Variants in GPC5 observed in about 807,000 individuals in gnomAD.
GPC5 encodes glypican-5.
Under a neutral mutation model 53.9 loss-of-function variants are expected in GPC5, and 47 were observed. That is an observed-to-expected ratio of 0.87 (90% CI 0.69 to 1.11). The LOEUF (loss-of-function observed/expected upper bound fraction) is 1.11, where lower values mean the gene tolerates loss of function less well. Among genes scored for constraint, GPC5 ranks in the 50% most tolerant of loss-of-function variants. The probability of loss-of-function intolerance (pLI) is 0.00; values close to 1 mark genes in which losing one functional copy is unlikely to be tolerated. For synonymous variants in GPC5, 286 were observed against 263.3 expected (o/e 1.09, Z -0.84); for missense variants, 748 against 713.1 (o/e 1.05, Z -0.56).
intron 7 of GPC5, among the ~76,000 whole-genome samples, chr13:92,442,343 T>C (rs1354970019): frequency 6.6e-6 from 1 of 152,104 alleles, no homozygotes; most frequent in Non-Finnish European, 1.5e-5. Flanking sequence ...AATGGGAAAC[T>C]TGAGTGGATA....
chr13:92,074,249 G>C (rs1260408861), intron 6 of GPC5, among the ~76,000 whole-genome samples: 1 of 152,134 alleles, frequency 6.6e-6, no homozygotes, highest in Non-Finnish European at 1.5e-5. Context: ...GAAAAGTCAG[G>C]GGTGTTAGAG....
At chr13:92,217,781 G>T (rs966909241) in intron 7 of GPC5, among the ~76,000 whole-genome samples, 2 of 151,922 alleles carry the variant, frequency 1.3e-5, no homozygotes, top group African/African-American at 2.4e-5. Context: ...GACTTGACTA[G>T]CTTCTGTTTC....
At chr13:91,970,677 G>T (rs367737650) in intron 6 of GPC5, among the ~76,000 whole-genome samples, 3 of 145,148 alleles carry the variant, frequency 2.1e-5, no homozygotes, top group African/African-American at 8.6e-5. Context: ...TAGCATGAAG[G>T]GTTGTTGAAT....
At position 92,541,958 on chromosome 13, in the gene GPC5, TTTCTC is replaced by T. The variant is rs1283995914; in HGVS notation, c.1562-324320_1562-324316del. Reference sequence around the variant, plus strand: ...ATTTGTAGGTCTACTTCTGAAGTCTTTTCTCTTCCATTGATTTATTTCTCTGTTCT... The same window carrying T: ...ATTTGTAGGTCTACTTCTGAAGTCTTTTCCATTGATTTATTTCTCTGTTCT... On this transcript the variant is annotated intron_variant, in intron 7 of 7. Coordinates refer to ENST00000377067, the MANE Select transcript of GPC5 (RefSeq NM_004466.6). 2.0e-5 allele frequency among the ~76,000 whole-genome samples: 3 copies of T among 152,060 alleles called. No homozygotes were observed. The East Asian group carries it at 5.8e-4, about 29-fold the overall frequency.
intron 7 of GPC5, among the ~76,000 whole-genome samples, chr13:92,457,195 G>C (rs1186184266): frequency 6.6e-6 from 1 of 152,058 alleles, no homozygotes; most frequent in Non-Finnish European, 1.5e-5. Context: ...TCTTACATCT[G>C]TGTAGGATTC....
At chr13:92,056,132 G>T (rs1157050277) in intron 6 of GPC5, among the ~76,000 whole-genome samples, 2 of 152,162 alleles carry the variant, frequency 1.3e-5, no homozygotes, top group East Asian at 3.9e-4. Flanking sequence ...AGTCTGAAAT[G>T]GATCTTATGG....
intron 5 of GPC5, among the ~76,000 whole-genome samples, chr13:91,834,031 G>C (rs1013936899): frequency 5.3e-5 from 8 of 152,144 alleles, no homozygotes; most frequent in African/African-American, 1.9e-4. Context: ...AAGCTGATAA[G>C]CAACTTCAGC....
intron 5 of GPC5, among the ~76,000 whole-genome samples, chr13:91,830,993 T>A (rs1269084095): frequency 7.3e-6 from 1 of 136,712 alleles, no homozygotes; most frequent in Non-Finnish European, 1.5e-5. Flanking sequence ...ATTATATATA[T>A]AATATATATA....
intron 6 of GPC5, among the ~76,000 whole-genome samples, chr13:91,912,397 T>C (rs1249913937): frequency 6.6e-6 from 1 of 152,066 alleles, no homozygotes; most frequent in Non-Finnish European, 1.5e-5. Context: ...TCAGAAGGAA[T>C]TGAATTTTAT....
chr13:92,635,014 CTT>C (rs979629359), intron 7 of GPC5, among the ~76,000 whole-genome samples: 1 of 151,418 alleles, frequency 6.6e-6, no homozygotes, highest in Non-Finnish European at 1.5e-5. Flanking sequence ...ATATTTTACT[CTT>C]AAATATTTTA....
intron 2 of GPC5, among the ~76,000 whole-genome samples, chr13:91,503,627 A>C (rs1028281162): frequency 4.0e-5 from 6 of 151,550 alleles, no homozygotes; most frequent in Non-Finnish European, 8.8e-5. Context: ...TAATAATATA[A>C]AAATTAGCTG....
rs563008197 is a variant in GPC5 at position 92,562,664 on chromosome 13, C to T, written c.1562-303618C>T. Among the ~76,000 whole-genome samples, 412 of 152,088 alleles carry T rather than the reference C, an allele frequency of 2.7e-3. 1 individual carries two copies. The highest frequency in any genetic ancestry group is 9.5e-3 in the African/African-American group (393 of 41,524). On this transcript the variant is annotated intron_variant, in intron 7 of 7. Coordinates refer to ENST00000377067, the MANE Select transcript of GPC5 (RefSeq NM_004466.6). The stretch of plus-strand genomic sequence containing the variant: ...ATATGCTGCGAAATCATCTTTGCTT[C>T]ATCATAGGTCTGGGGGCTAGATTCC...
intron 7 of GPC5, among the ~76,000 whole-genome samples, chr13:92,254,917 T>G (rs560647037): frequency 3.1e-4 from 47 of 152,150 alleles, no homozygotes; most frequent in Middle Eastern, 3.4e-3. Context: ...GAAATTTGGG[T>G]GGGGACACAG....
chr13:91,966,041 C>T (rs2040177696), intron 6 of GPC5, among the ~76,000 whole-genome samples: 1 of 152,092 alleles, frequency 6.6e-6, no homozygotes, highest in Non-Finnish European at 1.5e-5. Context: ...TCTTCATATT[C>T]TTCAATTTCT....
chr13:91,691,839 G>T (rs1421759462), intron 2 of GPC5, among the ~76,000 whole-genome samples: 1 of 151,990 alleles, frequency 6.6e-6, no homozygotes, highest in African/African-American at 2.4e-5. Context: ...TACTCAAACA[G>T]TGTTTAGATT....
At chr13:92,629,782 T>C (rs936476399) in intron 7 of GPC5, among the ~76,000 whole-genome samples, 94 of 152,078 alleles carry the variant, frequency 6.2e-4, no homozygotes, top group Non-Finnish European at 5.9e-4. Flanking sequence ...AACTAGAAAA[T>C]ACACAAGTCA....
At chr13:91,730,624 G>C (rs1322453136) in intron 4 of GPC5, among the ~76,000 whole-genome samples, 1 of 152,280 alleles carries the variant, frequency 6.6e-6, no homozygotes, top group South Asian at 2.1e-4. Context: ...TGAAACTTCA[G>C]ATAGCACTGA....
Position 91,527,014 on chromosome 13 carries a change from A to C in GPC5, c.325+78092A>C, listed in dbSNP as rs189902221. Among the ~76,000 whole-genome samples the C allele has an allele frequency of 5.1e-3, 775 of 152,306 alleles. 20 individuals carry two copies. Among genetic ancestry groups the C allele is most frequent in the Admixed American group, 0.046 (703 of 15,302 alleles). ...CTCAACATGTGGGAATTACAATTTGAGATGAGATTTGAGTGGGGACACAGA... is the reference window on the plus strand; with the variant it reads ...CTCAACATGTGGGAATTACAATTTGCGATGAGATTTGAGTGGGGACACAGA... On this transcript the variant is annotated intron_variant, in intron 2 of 7. Coordinates refer to ENST00000377067, the MANE Select transcript of GPC5 (RefSeq NM_004466.6).
At chr13:92,860,561 C>A (rs1004687981) in intron 7 of GPC5, among the ~76,000 whole-genome samples, 1 of 152,076 alleles carries the variant, frequency 6.6e-6, no homozygotes, top group Admixed American at 6.6e-5. Flanking sequence ...TATGCTAAGC[C>A]ATCTCAGATT....
Sources: allele counts gnomAD v4.1 joint callset (sites outside exome capture counted in the v4.1 genomes callset), GRCh38; gene constraint gnomAD v4.1.1; transcripts MANE v1.5; gene names NCBI Gene and HGNC (gene_info 2026-07-23, HGNC 2026-07-21).